DUSP1: variants seen among roughly 807,000 people sequenced by gnomAD.
DUSP1 encodes dual specificity phosphatase 1.
DUSP1 carries 10 observed loss-of-function variants against 27.4 expected under a neutral mutation model. The ratio of observed to expected loss-of-function variants is 0.37; its 90% confidence interval spans 0.23 to 0.62. DUSP1 has a LOEUF of 0.62. Ranked by LOEUF, DUSP1 falls within the 20% of genes least tolerant of loss-of-function variation. The pLI, the probability that DUSP1 is intolerant of heterozygous loss-of-function variation, is 0.68. For synonymous variants in DUSP1, 262 were observed against 223.6 expected (o/e 1.17, Z -1.53); for missense variants, 425 against 508.1 (o/e 0.84, Z 1.57).
At position 172,770,164 on chromosome 5, in the gene DUSP1, AT is replaced by A. The variant is rs1561676938; in HGVS notation, c.509del (p.Asp170ValfsTer34). On this transcript the variant is annotated frameshift_variant, in exon 2 of 4. Coordinates refer to ENST00000239223, the MANE Select transcript of DUSP1 (RefSeq NM_004417.4). LOFTEE classifies it high-confidence loss of function. ...TGTGGCAGGGACACCTACTAACCTG[AT>A]CGTAGAGTGGGGTACTGCAGGAACT... ...GCSSCSTPLY[D>X]QGGPVEILPF... is the part of the protein sequence containing the mutation. 1 of 1,576,134 alleles carries A rather than the reference AT, an allele frequency of 6.3e-7. No individual in the cohort carries two copies. The highest frequency in any genetic ancestry group is 2.3e-5 in the East Asian group (1 of 44,410).
chr5:172,768,940 T>A lies in DUSP1; in HGVS notation c.926A>T (p.Glu309Val). 6.2e-7 allele frequency: 1 copy of A among 1,614,200 alleles called. No homozygotes were observed. The highest frequency in any genetic ancestry group is 8.5e-7 in the Non-Finnish European group (1 of 1,180,032). The change falls in exon 4 of 4, where the codon GAG becomes GTG. Residue 309 changes from glutamate to valine, a missense_variant. Glu to Val is a moderately radical substitution (Grantham distance 121). Transcript: ENST00000239223. ...ACAGTGCGGAGCCAGCACCTGGGAC[T>A]CAAACTGCAGCAGCTGGCCCATGAA... ...FSFMGQLLQF[E>V]SQVLAPHCSA... is the part of the protein sequence containing the mutation.
Position 172,768,406 on chromosome 5 carries a change from TA to T in DUSP1, c.*355del, listed in dbSNP as rs1312153685. 5.4e-6 allele frequency: 1 copy of T among 185,700 alleles called. No individual in the cohort carries two copies. The highest frequency in any genetic ancestry group is 2.3e-5 in the African/African-American group (1 of 42,764). 11.5% of individuals were successfully genotyped at this position (185,700 alleles called of 1,614,324 possible). The stretch of plus-strand genomic sequence containing the variant: ...CAAAAATAAATAAGGTATATTCTCA[TA>T]TGTATATGTGTCGTCGGGAATAATA... On this transcript the variant is annotated 3_prime_UTR_variant, in exon 4 of 4. Transcript: ENST00000239223.
Position 172,771,008 on chromosome 5 carries a change from C to T in DUSP1, c.-56G>A. ...CCCTGCGGTGCTCTTTGTCTGTTCT[C>T]GGGGCCAAGGGCAGGGCGGCGCTTT... On this transcript the variant is annotated 5_prime_UTR_variant, in exon 1 of 4. Transcript: ENST00000239223. 4 of 1,331,642 alleles carry T rather than the reference C, an allele frequency of 3.0e-6. No individual in the cohort carries two copies. The highest frequency in any genetic ancestry group is 3.9e-6 in the Non-Finnish European group (4 of 1,038,594). 82.5% of individuals were successfully genotyped at this position (1,331,642 alleles called of 1,614,324 possible). A position where few individuals can be genotyped will look rare whatever the true frequency, so the allele number is the denominator to read the frequency against.
At position 172,770,177 on chromosome 5, in the gene DUSP1, G is replaced by A; in HGVS notation, c.497C>T (p.Thr166Ile). 1 of 1,589,402 alleles carries A rather than the reference G, an allele frequency of 6.3e-7. No homozygotes were observed. The highest frequency in any genetic ancestry group is 8.5e-7 in the Non-Finnish European group (1 of 1,171,750). The part of the protein sequence containing the change: ...SAESGCSSCS[T>I]PLYDQGGPVE... ...CCTACTAACCTGATCGTAGAGTGGG[G>A]TACTGCAGGAACTGCACCCAGATTC... The change falls in exon 2 of 4, where the codon ACC (threonine) becomes ATC (isoleucine). Residue 166 changes from threonine to isoleucine, a missense_variant. This residue lies in a region of DUSP1 where 282 missense variants were observed against 319.3 expected (regional missense o/e 0.88). Transcript: ENST00000239223.
At chr5:172,770,338 T>C in intron 1 of DUSP1, 32 bp from the exon 2 acceptor site, 1 of 1,609,782 alleles carries the variant, frequency 6.2e-7, no homozygotes, top group Non-Finnish European at 8.5e-7. Flanking sequence ...TTTTCCCCAT[T>C]AGTGACACCG....
At chr5:172,770,130 C>G (rs1240924721) in intron 2 of DUSP1, 31 bp downstream of exon 2, 1 of 1,541,002 alleles carries the variant, frequency 6.5e-7, no homozygotes, top group Non-Finnish European at 8.7e-7. Context: ...CCAGTTCTTA[C>G]TTCTTCCCTG....
intron 3 of DUSP1, 134 bp from the exon 4 acceptor site, chr5:172,769,266 A>C: frequency 7.2e-7 from 1 of 1,381,052 alleles, no homozygotes; most frequent in South Asian, 1.4e-5. Flanking sequence ...CATCACATGG[A>C]TACTGTTCAT....
At position 172,771,035 on chromosome 5, in the gene DUSP1, C is replaced by T; in HGVS notation, c.-83G>A. ...GGGCCAAGGGCAGGGCGGCGCTTTT[C>T]GAGGAAAAGCTAGACCCCCGGGTCT... On this transcript the variant is annotated 5_prime_UTR_variant, in exon 1 of 4. Coordinates refer to ENST00000239223, the MANE Select transcript of DUSP1 (RefSeq NM_004417.4). 7.7e-7 allele frequency: 1 copy of T among 1,303,560 alleles called. No homozygotes were observed. The highest frequency in any genetic ancestry group is 2.9e-4 in the Middle Eastern group (1 of 3,452). The allele number at this position is 1,303,560 out of a possible 1,614,324, so 80.7% of individuals were successfully genotyped here. A position where few individuals can be genotyped will look rare whatever the true frequency, so the allele number is the denominator to read the frequency against.
intron 1 of DUSP1, 116 bp downstream of exon 1, chr5:172,770,470 T>C: frequency 1.1e-5 from 17 of 1,506,248 alleles, no homozygotes; most frequent in Non-Finnish European, 1.4e-5. Context: ...CAGAGATAAA[T>C]GTACTCCAGC....
At chr5:172,770,498 G>A in intron 1 of DUSP1, 88 bp downstream of exon 1, 1 of 1,476,786 alleles carries the variant, frequency 6.8e-7, no homozygotes, top group Non-Finnish European at 8.8e-7. Context: ...CGCTGCAGGT[G>A]GGGCGATCCC....
chr5:172,770,816 A>T lies in DUSP1; in HGVS notation c.137T>A (p.Val46Glu). Residue 46 changes from valine to glutamate, a missense_variant, in exon 1 of 4, where the codon GTG becomes GAG. Transcript: ENST00000239223. ...GCGCCGCACGATGGTGCTGAAGCGC[A>T]CGTTGACAGAGCCGGCGATGTGGCC... ...NAGHIAGSVN[V>E]RFSTIVRRRA... is the part of the protein sequence containing the mutation. 1.3e-6 allele frequency: 2 copies of T among 1,526,266 alleles called. No homozygotes were observed. The highest frequency in any genetic ancestry group is 8.8e-7 in the Non-Finnish European group (1 of 1,142,214). The allele number at this position is 1,526,266 out of a possible 1,614,324, so 94.5% of individuals were successfully genotyped here.
At chr5:172,770,036 T>A (rs35084382) in intron 2 of DUSP1, 125 bp downstream of exon 2, 1 of 1,393,118 alleles carries the variant, frequency 7.2e-7, no homozygotes, top group Non-Finnish European at 9.6e-7. Context: ...GTGGAATAAA[T>A]CATATCCCTG....
In DUSP1 at chr5:172,768,775, G is replaced by A. The variant is rs1291780937; in HGVS notation, c.1091C>T (p.Ser364Phe). The A allele has an allele frequency of 1.3e-6, 2 of 1,515,000 alleles. No individual in the cohort carries two copies. Among genetic ancestry groups the A allele is most frequent in the South Asian group, 2.6e-5 (2 of 75,604 alleles). 93.8% of individuals were successfully genotyped at this position (1,515,000 alleles called of 1,614,324 possible). The change falls in exon 4 of 4, where the codon TCT becomes TTT. Residue 364 changes from serine to phenylalanine, a missense_variant. Ser to Phe is a radical substitution (Grantham distance 155). This residue lies in a region of DUSP1 where 84 missense variants were observed against 80.5 expected (regional missense o/e 1.04). Transcript: ENST00000239223. ...LSYLQSPITTSPSC is the reference protein window; with the variant it reads ...LSYLQSPITTFPSC ...TCCCGTGGCCTTTCAGCAGCTGGGA[G>A]AGGTCGTAATGGGGCTCTGAAGGTA...
chr5:172,769,758 C>T lies in DUSP1; in HGVS notation c.550G>A (p.Gly184Ser), dbSNP rs1759853834. The T allele has an allele frequency of 6.2e-7, 1 of 1,614,178 alleles. No individual in the cohort carries two copies. The highest frequency in any genetic ancestry group is 8.5e-7 in the Non-Finnish European group (1 of 1,180,036). ...TTGCGGGAAGCGTGATACGCACTGC[C>T]CAGGTACAGAAAGGGCAGGATTTCC... The part of the protein sequence containing the change: ...PVEILPFLYL[G>S]SAYHASRKDM... The change falls in exon 3 of 4, where the codon GGC (glycine) becomes AGC (serine). Residue 184 changes from glycine to serine, a missense_variant. Physicochemically the swap from Gly to Ser is moderately conservative, Grantham distance 56 (BLOSUM62 0). Coordinates refer to ENST00000239223, the MANE Select transcript of DUSP1 (RefSeq NM_004417.4).
Position 172,768,570 on chromosome 5 carries a change from G to C in DUSP1, c.*192C>G, listed in dbSNP as rs374171697. On this transcript the variant is annotated 3_prime_UTR_variant, in exon 4 of 4. Transcript: ENST00000239223. The stretch of plus-strand genomic sequence containing the variant: ...GATGTACCCACTATATATTGGTCCC[G>C]AATGTGCTGAGTTCAGCAAATGTCT... 1 of 667,394 alleles carries C rather than the reference G, an allele frequency of 1.5e-6. No individual in the cohort carries two copies. The highest frequency in any genetic ancestry group is 2.2e-6 in the Non-Finnish European group (1 of 460,188). The allele number at this position is 667,394 out of a possible 1,614,324, so 41.3% of individuals were successfully genotyped here. A position where few individuals can be genotyped will look rare whatever the true frequency, so the allele number is the denominator to read the frequency against.
Position 172,770,145 on chromosome 5 carries a change from AG to A in DUSP1, c.513+15del. On this transcript the variant is annotated intron_variant, in intron 2 of 3. Transcript: ENST00000239223. ...CCAGTTCTTACTTCTTCCCTGTGGCAGGGACACCTACTAACCTGATCGTAGA... is the reference window on the plus strand; with the variant it reads ...CCAGTTCTTACTTCTTCCCTGTGGCAGGACACCTACTAACCTGATCGTAGA... The A allele has an allele frequency of 6.4e-7, 1 of 1,550,734 alleles. No individual in the cohort carries two copies. The highest frequency in any genetic ancestry group is 2.3e-5 in the East Asian group (1 of 44,180).
intron 3 of DUSP1, 45 bp downstream of exon 3, chr5:172,769,530 T>G: frequency 3.1e-6 from 5 of 1,607,494 alleles, no homozygotes; most frequent in Non-Finnish European, 4.3e-6. Context: ...GTGGCTAAAA[T>G]GAGAAGAGAA....
rs149572166 is a variant in DUSP1 at position 172,769,011 on chromosome 5, A to G, written c.855T>C (p.Phe285=). ...RTNRVKLDEA[F]EFVKQRRSII... is the part of the protein sequence containing the mutation. ...TGCTTCGCCTCTGCTTCACAAACTCAAAGGCCTCGTCCAGCTTGACTCGAT... is the reference window on the plus strand; with the variant it reads ...TGCTTCGCCTCTGCTTCACAAACTCGAAGGCCTCGTCCAGCTTGACTCGAT... Residue 285 remains phenylalanine (F), a synonymous_variant, in exon 4 of 4, where the codon TTT becomes TTC. Coordinates refer to ENST00000239223, the MANE Select transcript of DUSP1 (RefSeq NM_004417.4). 33 of 1,614,064 alleles carry G rather than the reference A, an allele frequency of 2.0e-5. No homozygotes were observed. The Admixed American group carries it at 3.0e-4, about 15-fold the overall frequency.
At chr5:172,769,479 G>T (rs778480929) in intron 3 of DUSP1, 96 bp downstream of exon 3, 284 of 1,323,980 alleles carry the variant, frequency 2.1e-4, no homozygotes, top group Non-Finnish European at 2.9e-4. Flanking sequence ...GTGGAAGAAG[G>T]CTCAGAAAAC....
Sources: gnomAD v4.1 joint callset for allele counts on GRCh38, gnomAD v4.1.1 for gene constraint, gnomAD v4.1.1 regional missense constraint, MANE v1.5 for transcripts, NCBI Gene and HGNC (gene_info 2026-07-23, HGNC 2026-07-21) for gene names.